PHTF1: variants seen among roughly 807,000 people sequenced by gnomAD.
PHTF1 encodes protein PHTF1.
A neutral mutation model predicts 102.4 loss-of-function variants in PHTF1; 88 were observed. That is an observed-to-expected ratio of 0.86 (90% confidence interval 0.72 to 1.03). The LOEUF (loss-of-function observed/expected upper bound fraction) is 1.03. PHTF1 is among the 50% of genes least tolerant of loss of function. PHTF1 has a pLI of 0.00. For missense variants in PHTF1, 814 were observed against 909.5 expected, an observed-to-expected ratio of 0.89 and a Z score of 1.35; for synonymous variants, 289 against 305.2, an observed-to-expected ratio of 0.95 and a Z score of 0.55.
At chr1:113,713,672 A>C (rs575595909) in intron 7 of PHTF1, 1 of 439,080 alleles carries the variant, frequency 2.3e-6, no homozygotes, top group Admixed American at 4.1e-5. Flanking sequence ...GAAAGGAAGC[A>C]TATACTTTTC....
intron 7 of PHTF1, among the ~76,000 whole-genome samples, chr1:113,721,019 T>A (rs972425207): frequency 4.6e-5 from 7 of 152,100 alleles, no homozygotes; most frequent in Non-Finnish European, 1.0e-4. Flanking sequence ...CACACAAGAA[T>A]CACTTGAACT....
At chr1:113,734,930 A>C (rs918131694) in intron 5 of PHTF1, among the ~76,000 whole-genome samples, 5 of 152,186 alleles carry the variant, frequency 3.3e-5, no homozygotes, top group Non-Finnish European at 7.3e-5. Flanking sequence ...TTGATCCTGG[A>C]CTTCACAGCC....
At chr1:113,721,755 T>A (rs957803538) in intron 7 of PHTF1, among the ~76,000 whole-genome samples, 3 of 152,122 alleles carry the variant, frequency 2.0e-5, no homozygotes, top group African/African-American at 7.2e-5. Flanking sequence ...AGTGGTGTGA[T>A]CTTGGCTCAC....
In PHTF1 at chr1:113,758,721, G is replaced by T; in HGVS notation, c.-18C>A. 1 of 1,609,124 alleles carries T rather than the reference G, an allele frequency of 6.2e-7. No homozygotes were observed. Among genetic ancestry groups the T allele is most frequent in the Non-Finnish European group, 8.5e-7 (1 of 1,177,690 alleles). ...GAGGCCATCTGTGTCTCCAGCCAGA[G>T]AATGGGATTTCACTGAAAATGAAGG... is the stretch of plus-strand genomic sequence containing the variant. On this transcript the variant is annotated 5_prime_UTR_variant, in exon 2 of 19. Transcript: ENST00000369604.
intron 3 of PHTF1, among the ~76,000 whole-genome samples, chr1:113,756,270 A>T (rs1658865259): frequency 6.6e-6 from 1 of 152,294 alleles, no homozygotes; most frequent in South Asian, 2.1e-4. Context: ...AAATCTGGAG[A>T]CTTATTCATC....
At position 113,759,285 on chromosome 1, in the gene PHTF1, C is replaced by T. The variant is rs1659362197; in HGVS notation, c.-293G>A. On this transcript the variant is annotated 5_prime_UTR_variant, in exon 1 of 19. Coordinates refer to ENST00000369604, the MANE Select transcript of PHTF1 (RefSeq NM_001323043.2). ...GGTCACGGACTGACCAGAAAATAAG[C>T]AGAGAATGAACTGGAAAATGAGGGG... 1 of 155,708 alleles carries T rather than the reference C, an allele frequency of 6.4e-6. No homozygotes were observed. 9.6% of individuals were successfully genotyped at this position (155,708 alleles called of 1,614,324 possible). A position where few individuals can be genotyped will look rare whatever the true frequency, so the allele number is the denominator to read the frequency against.
intron 8 of PHTF1, 92 bp downstream of exon 8, chr1:113,713,187 T>C: frequency 9.0e-7 from 1 of 1,105,446 alleles, no homozygotes; most frequent in Non-Finnish European, 1.4e-6. Flanking sequence ...TTTATAAACC[T>C]ACTAGTACCT....
chr1:113,729,861 T>C (rs1453621724), intron 5 of PHTF1, among the ~76,000 whole-genome samples: 1 of 152,092 alleles, frequency 6.6e-6, no homozygotes, highest in African/African-American at 2.4e-5. Context: ...TAATAAAGTC[T>C]CAATAAAAAC....
At chr1:113,707,724 A>G (rs557355343) in intron 11 of PHTF1, among the ~76,000 whole-genome samples, 87 of 152,312 alleles carry the variant, frequency 5.7e-4, no homozygotes, top group Non-Finnish European at 1.1e-3. Context: ...ATGCATGTGG[A>G]TAAAATGGAG....
chr1:113,751,724 C>G (rs1219278933), intron 3 of PHTF1, among the ~76,000 whole-genome samples: 1 of 151,906 alleles, frequency 6.6e-6, no homozygotes, highest in Admixed American at 6.6e-5. Context: ...TAGTAGATAC[C>G]CTAAATATAG....
chr1:113,709,077 C>T (rs978821950), intron 11 of PHTF1, among the ~76,000 whole-genome samples: 3 of 151,952 alleles, frequency 2.0e-5, no homozygotes, highest in African/African-American at 4.8e-5. Flanking sequence ...CAACATAGTG[C>T]GACCCTGTCT....
intron 11 of PHTF1, among the ~76,000 whole-genome samples, chr1:113,707,117 TG>T (rs143441684): frequency 0.026 from 3,981 of 152,162 alleles, 93 homozygotes; most frequent in Admixed American, 0.09. Context: ...TCTAAAGGTA[TG>T]GAAGTGAGGA....
chr1:113,702,020 A>G (rs1337949332), intron 15 of PHTF1, among the ~76,000 whole-genome samples: 1 of 152,000 alleles, frequency 6.6e-6, no homozygotes, highest in Non-Finnish European at 1.5e-5. Flanking sequence ...ATAAAAAGCA[A>G]TGGAAAAGGT....
Position 113,758,734 on chromosome 1 carries a change from C to A in PHTF1, c.-30-1G>T. On this transcript the variant is annotated splice_acceptor_variant, in intron 1 of 18. Transcript: ENST00000369604. LOFTEE classifies it low-confidence loss of function (5UTR_SPLICE). ...TCTCCAGCCAGAGAATGGGATTTCA[C>A]TGAAAATGAAGGAAAACCAATCGGT... 1 of 1,605,680 alleles carries A rather than the reference C, an allele frequency of 6.2e-7. No homozygotes were observed.
intron 3 of PHTF1, among the ~76,000 whole-genome samples, chr1:113,756,861 C>T (rs1469506470): frequency 6.6e-6 from 1 of 152,052 alleles, no homozygotes; most frequent in Non-Finnish European, 1.5e-5. Context: ...GTTTAAGAAC[C>T]TGAAAAACTT....
rs765967369 is a variant in PHTF1 at position 113,710,285 on chromosome 1, T to A, written c.1238A>T (p.Lys413Ile). 6.2e-7 allele frequency: 1 copy of A among 1,613,780 alleles called. No homozygotes were observed. The change falls in exon 11 of 19, where the codon AAA becomes ATA. Residue 413 changes from lysine (K) to isoleucine (I), a missense_variant. By Grantham distance (102) the Lys-to-Ile change is moderately radical. Transcript: ENST00000369604. ...AAAAACATCCTCTTTGGGGTCACGTTTGGTCCCTGAGTGAAGGGTATTCAC... is the reference window on the plus strand; with the variant it reads ...AAAAACATCCTCTTTGGGGTCACGTATGGTCCCTGAGTGAAGGGTATTCAC... ...AHVNTLHSGT[K>I]RDPKEDVFQQ...
Position 113,748,553 on chromosome 1 carries a change from G to A in PHTF1, c.102+9146C>T, listed in dbSNP as rs562446458. Reference sequence around the variant, plus strand: ...TTTATTTATTTATGTGTTTATTTTTGAGACAGGGTCCCACTCTGTCACCCA... The same window carrying A: ...TTTATTTATTTATGTGTTTATTTTTAAGACAGGGTCCCACTCTGTCACCCA... On this transcript the variant is annotated intron_variant, in intron 3 of 18. Transcript: ENST00000369604. Among the ~76,000 whole-genome samples, 15 of 151,694 alleles carry A rather than the reference G, an allele frequency of 9.9e-5. No individual in the cohort carries two copies. The South Asian group carries it at 2.9e-3, about 30-fold the overall frequency.
chr1:113,750,654 C>T (rs1268827170), intron 3 of PHTF1, among the ~76,000 whole-genome samples: 2 of 150,764 alleles, frequency 1.3e-5, no homozygotes, highest in East Asian at 2.0e-4. Flanking sequence ...ATCAAGAGAT[C>T]GAGCCATCCT....
Position 113,700,817 on chromosome 1 carries a change from C to G in PHTF1, c.2023G>C (p.Val675Leu). The change falls in exon 16 of 19, where the codon GTT becomes CTT. Residue 675 changes from valine (V) to leucine (L), a missense_variant. Val to Leu is a conservative substitution (Grantham distance 32). Coordinates refer to ENST00000369604, the MANE Select transcript of PHTF1 (RefSeq NM_001323043.2). The stretch of plus-strand genomic sequence containing the variant: ...ACCTGTTCTGTAAGTAATATTGAAA[C>G]ATTGCTGTATTTCTTATTGGTTTCA... The part of the protein sequence containing the change: ...GSETNKKYSN[V>L]SILLTEQINL... 6.2e-6 allele frequency: 10 copies of G among 1,613,878 alleles called. No individual in the cohort carries two copies. Among genetic ancestry groups the G allele is most frequent in the Non-Finnish European group, 8.5e-6 (10 of 1,179,878 alleles).
Sources: gnomAD v4.1 joint callset for allele counts (sites outside exome capture counted in the v4.1 genomes callset) on GRCh38, gnomAD v4.1.1 for gene constraint, MANE v1.5 for transcripts, NCBI Gene and HGNC (gene_info 2026-07-23, HGNC 2026-07-21) for gene names.